The following SNX25 variants were observed in gnomAD, a reference collection of about 807,000 sequenced individuals.
SNX25 encodes the protein sorting nexin 25.
Under a neutral mutation model 113.7 loss-of-function variants are expected in SNX25, and 62 were observed. That is an observed-to-expected ratio of 0.55 (90% CI 0.44 to 0.67). The LOEUF (loss-of-function observed/expected upper bound fraction) is 0.67, where lower values mean the gene tolerates loss of function less well. Ranked by LOEUF, SNX25 falls within the 30% of genes least tolerant of loss-of-function variation. The pLI is 0.00. For synonymous variants in SNX25, 421 were observed against 436.2 expected (o/e 0.97, Z 0.43); for missense variants, 1,014 against 1,161.0 (o/e 0.87, Z 1.84).
downstream of SNX25, chr4:185,374,466 G>A (rs1274478556): frequency 4.4e-6 from 7 of 1,602,758 alleles, no homozygotes; most frequent in South Asian, 2.3e-5. Flanking sequence ...TTTCTCCTTC[G>A]ACAAAAGAAA....
At chr4:185,298,878 TC>T (rs1753228074) in intron 6 of SNX25, among the ~76,000 whole-genome samples, 1 of 152,170 alleles carries the variant, frequency 6.6e-6, no homozygotes, top group Admixed American at 6.6e-5. Context: ...TGCTGTTAGA[TC>T]CGTCATGGCA....
At chr4:185,360,472 A>G (rs966528986) in intron 16 of SNX25, among the ~76,000 whole-genome samples, 4 of 152,148 alleles carry the variant, frequency 2.6e-5, no homozygotes, top group African/African-American at 9.7e-5. Flanking sequence ...GCTTTTTAAT[A>G]TATTATTATT....
At chr4:185,299,972 C>T (rs1171896255) in intron 6 of SNX25, among the ~76,000 whole-genome samples, 6 of 152,076 alleles carry the variant, frequency 3.9e-5, no homozygotes, top group East Asian at 1.9e-4. Context: ...GAGGAGGTTT[C>T]GCCTTTTTAT....
rs144692268 is a variant in SNX25, at chr4:185,309,047, C to T, written c.1163-1588C>T. Among the ~76,000 whole-genome samples the T allele has an allele frequency of 5.2e-3, 798 of 152,290 alleles. 7 individuals are homozygous for T. The highest frequency in any genetic ancestry group is 0.01 in the Middle Eastern group (3 of 294). ...GAAGTAATGACTCTTCTCTGTGTCA[C>T]GTGACGTCAGCTGGAGTGGCTTGAC... On this transcript the variant is annotated intron_variant, in intron 6 of 18. Transcript: ENST00000652585.
chr4:185,208,325 T>C (rs1277496684), upstream of SNX25, among the ~76,000 whole-genome samples: 19 of 152,020 alleles, frequency 1.2e-4, no homozygotes, highest in Admixed American at 1.2e-3. Context: ...CCTATTTTCT[T>C]AAAAAAGGAG....
intron 16 of SNX25, among the ~76,000 whole-genome samples, chr4:185,358,408 C>T (rs562476105): frequency 3.9e-5 from 6 of 152,202 alleles, no homozygotes; most frequent in African/African-American, 1.4e-4. Context: ...TTTATGAAAG[C>T]CCTGGGTTTG....
intron 5 of SNX25, among the ~76,000 whole-genome samples, chr4:185,287,540 G>A (rs1018974839): frequency 1.3e-5 from 2 of 152,194 alleles, no homozygotes; most frequent in Non-Finnish European, 2.9e-5. Context: ...CGCCCGGTGT[G>A]GTCCACAAGC....
At chr4:185,218,858 C>T (rs1011446243) in intron 1 of SNX25, among the ~76,000 whole-genome samples, 2 of 150,082 alleles carry the variant, frequency 1.3e-5, no homozygotes, top group African/African-American at 2.5e-5. Flanking sequence ...CCTGTATATA[C>T]GGGTGAGTTT....
At chr4:185,351,707 C>A in intron 14 of SNX25, 98 bp downstream of exon 14, 1 of 1,269,956 alleles carries the variant, frequency 7.9e-7, no homozygotes, top group Non-Finnish European at 1.1e-6. Context: ...TATTTTCAGT[C>A]ATTAGCACTG....
intron 5 of SNX25, among the ~76,000 whole-genome samples, chr4:185,275,597 T>C (rs578096532): frequency 6.6e-6 from 1 of 152,304 alleles, no homozygotes; most frequent in South Asian, 2.1e-4. Flanking sequence ...AACATGAAAA[T>C]TCTTAAAATA....
rs143472366 is a variant in SNX25, at chr4:185,334,534, C to T, written c.1914+1775C>T. Among the ~76,000 whole-genome samples, 313 of 152,252 alleles carry T rather than the reference C, an allele frequency of 2.1e-3. No homozygotes were observed. The highest frequency in any genetic ancestry group is 4.7e-3 in the African/African-American group (195 of 41,554). On this transcript the variant is annotated intron_variant, in intron 10 of 18. Coordinates refer to ENST00000652585, the MANE Select transcript of SNX25 (RefSeq NM_001378034.2). This position sits in a 1 kb window ranked among gnomAD's most constrained non-coding sequence, Gnocchi z 4.2. ...CATGTCTGAGATGATAAACAGAATT[C>T]GCTGGCATGGCAGATAATCAGTATC... is the stretch of plus-strand genomic sequence containing the variant.
chr4:185,259,703 A>G (rs1450306439), intron 3 of SNX25, among the ~76,000 whole-genome samples: 1 of 152,338 alleles, frequency 6.6e-6, no homozygotes, highest in Admixed American at 6.5e-5. Context: ...GTACATAACA[A>G]TTTACATAAA....
intron 3 of SNX25, among the ~76,000 whole-genome samples, chr4:185,259,729 A>C (rs1468114911): frequency 6.6e-6 from 1 of 152,212 alleles, no homozygotes; most frequent in African/African-American, 2.4e-5. Context: ...GTCTAACTGC[A>C]ATGAGTAGCC....
Position 185,266,959 on chromosome 4 carries a change from C to T in SNX25, c.905-10C>T. Reference sequence around the variant, plus strand: ...CCTTTCTCAGTGGCTATTTCTTCTTCTTCCTGTAGTCTTGAAGCCGGTAGT... The same window carrying T: ...CCTTTCTCAGTGGCTATTTCTTCTTTTTCCTGTAGTCTTGAAGCCGGTAGT... On this transcript the variant is annotated splice_polypyrimidine_tract_variant and intron_variant, in intron 4 of 18. Transcript: ENST00000652585. 6.2e-7 allele frequency: 1 copy of T among 1,605,492 alleles called. No homozygotes were observed. Among genetic ancestry groups the T allele is most frequent in the Non-Finnish European group, 8.5e-7 (1 of 1,176,058 alleles).
intron 13 of SNX25, among the ~76,000 whole-genome samples, chr4:185,350,679 G>A (rs1172341622): frequency 1.3e-5 from 2 of 152,108 alleles, no homozygotes; most frequent in African/African-American, 4.8e-5. Flanking sequence ...TGGCCAATAT[G>A]GTGAAACCCC....
intron 7 of SNX25, among the ~76,000 whole-genome samples, chr4:185,311,460 C>G (rs1437762517): frequency 6.6e-6 from 1 of 152,206 alleles, no homozygotes; most frequent in Admixed American, 6.5e-5. Flanking sequence ...ACCTCAGTAC[C>G]TGTCCTAACT....
chr4:185,204,341 A>C (rs752088120), exon 1 of SNX25: 1 of 152,256 alleles, frequency 6.6e-6, no homozygotes, highest in South Asian at 2.1e-4. Context: ...AACCAAGAAT[A>C]AAAAAGAACG....
chr4:185,321,640 A>G (rs763940141), intron 8 of SNX25, among the ~76,000 whole-genome samples: 3 of 152,208 alleles, frequency 2.0e-5, no homozygotes, highest in Non-Finnish European at 1.5e-5. Flanking sequence ...GAAGATCCCA[A>G]TAATCAGCAT....
chr4:185,306,788 C>T (rs1441031759), intron 6 of SNX25, among the ~76,000 whole-genome samples: 1 of 152,166 alleles, frequency 6.6e-6, no homozygotes, highest in African/African-American at 2.4e-5. Flanking sequence ...GCTTGCATTT[C>T]CTTAGGTACA....
Sources: gnomAD v4.1 joint callset for allele counts (sites outside exome capture counted in the v4.1 genomes callset) on GRCh38, gnomAD v4.1.1 for gene constraint, Gnocchi (gnomAD v3.1) non-coding constraint, MANE v1.5 for transcripts, NCBI Gene and HGNC (gene_info 2026-07-23, HGNC 2026-07-21) for gene names.